Variants in AIG1 observed in about 807,000 individuals in gnomAD.
AIG1 encodes androgen induced 1, also known as androgen-induced gene 1 protein.
Under a neutral mutation model 31.4 loss-of-function variants are expected in AIG1, and 23 were observed. The ratio of observed to expected loss-of-function variants is 0.73; its 90% CI spans 0.53 to 1.04. AIG1 has a LOEUF of 1.04. Among genes scored for constraint, AIG1 ranks in the 50% least tolerant of loss-of-function variants. AIG1 has a pLI of 0.00. For synonymous variants in AIG1, 100 were observed against 110.5 expected (o/e 0.90, Z 0.60); for missense variants, 274 against 295.0 (o/e 0.93, Z 0.52).
chr6:143,067,044 G>A (rs1382923762), intron 1 of AIG1, among the ~76,000 whole-genome samples: 1 of 152,082 alleles, frequency 6.6e-6, no homozygotes, highest in Non-Finnish European at 1.5e-5. Flanking sequence ...GCATGTGCCT[G>A]TAGTCCCAGC....
chr6:143,215,666 T>C (rs773332175), intron 3 of AIG1, among the ~76,000 whole-genome samples: 109 of 152,096 alleles, frequency 7.2e-4, no homozygotes, highest in Non-Finnish European at 1.3e-3. Context: ...CTTTGGACCA[T>C]GAGATGACCT....
At chr6:143,277,964 C>T (rs1430289053) in intron 3 of AIG1, among the ~76,000 whole-genome samples, 7 of 152,186 alleles carry the variant, frequency 4.6e-5, no homozygotes, top group Non-Finnish European at 7.4e-5. Flanking sequence ...TCTGACTTGC[C>T]TGGATTTATA....
intron 3 of AIG1, among the ~76,000 whole-genome samples, chr6:143,176,664 T>G (rs1413090783): frequency 6.6e-6 from 1 of 152,222 alleles, no homozygotes; most frequent in Non-Finnish European, 1.5e-5. Context: ...TTAGCTCCCA[T>G]GCAGCCTGCT....
intron 1 of AIG1, among the ~76,000 whole-genome samples, chr6:143,125,058 ATTTCATTTAGGTTTC>A (rs1384373916): frequency 6.6e-6 from 1 of 152,058 alleles, no homozygotes; most frequent in Non-Finnish European, 1.5e-5. Flanking sequence ...TATACTTTAT[ATTTCATTTAGGTTTC>A]AGAGTTATCT....
chr6:143,164,933 CTG>C, intron 2 of AIG1, 147 bp from the exon 3 acceptor site: 1 of 598,978 alleles, frequency 1.7e-6, no homozygotes, highest in East Asian at 2.9e-5. Context: ...GAAGCTAGAC[CTG>C]TGTTTCCAAT....
chr6:143,308,685 C>T (rs1457512582), intron 4 of AIG1, among the ~76,000 whole-genome samples: 1 of 152,146 alleles, frequency 6.6e-6, no homozygotes, highest in Non-Finnish European at 1.5e-5. Flanking sequence ...TCAGTCCTAC[C>T]AAAACATCAT....
intron 3 of AIG1, among the ~76,000 whole-genome samples, chr6:143,230,384 T>C (rs1286965622): frequency 6.7e-6 from 1 of 150,362 alleles, no homozygotes; most frequent in East Asian, 1.9e-4. Context: ...AGCTTACATA[T>C]TATCATATTA....
intron 2 of AIG1, among the ~76,000 whole-genome samples, chr6:143,143,212 T>C (rs908703713): frequency 6.6e-6 from 1 of 151,724 alleles, no homozygotes; most frequent in Non-Finnish European, 1.5e-5. Flanking sequence ...TTAAAAAAAA[T>C]AAATTGTTTA....
intron 3 of AIG1, among the ~76,000 whole-genome samples, chr6:143,271,143 T>C (rs73594176): frequency 0.012 from 1,853 of 152,322 alleles, 24 homozygotes; most frequent in African/African-American, 0.042. Context: ...CAGATGTCAG[T>C]GCAGAGATGG....
intron 1 of AIG1, among the ~76,000 whole-genome samples, chr6:143,104,464 T>G (rs1780614320): frequency 6.6e-6 from 1 of 152,348 alleles, no homozygotes; most frequent in African/African-American, 2.4e-5. Flanking sequence ...ATAGTGGTTG[T>G]TTGTCCCAAG....
At chr6:143,170,490 T>A (rs1787394436) in intron 3 of AIG1, among the ~76,000 whole-genome samples, 1 of 152,030 alleles carries the variant, frequency 6.6e-6, no homozygotes, top group Admixed American at 6.6e-5. Context: ...TCAGTTGTAA[T>A]GTCTCCTTTT....
intron 1 of AIG1, among the ~76,000 whole-genome samples, chr6:143,107,380 A>G (rs1780896261): frequency 6.6e-6 from 1 of 152,242 alleles, no homozygotes; most frequent in African/African-American, 2.4e-5. Flanking sequence ...TTAGACAGAT[A>G]AAAGTCTCCA....
At chr6:143,282,857 C>T (rs1251544547) in intron 3 of AIG1, among the ~76,000 whole-genome samples, 1 of 152,220 alleles carries the variant, frequency 6.6e-6, no homozygotes, top group East Asian at 1.9e-4. Flanking sequence ...CTACTTGCCA[C>T]CTGGTTCTAT....
At chr6:143,188,534 A>G (rs552585812) in intron 3 of AIG1, 147 of 985,380 alleles carry the variant, frequency 1.5e-4, no homozygotes, top group African/African-American at 8.4e-4. Flanking sequence ...CAAGGCTGAG[A>G]CAGTCCAAGT....
intron 2 of AIG1, among the ~76,000 whole-genome samples, chr6:143,161,849 AGT>A (rs1020395196): frequency 6.6e-6 from 1 of 152,154 alleles, no homozygotes; most frequent in Non-Finnish European, 1.5e-5. Flanking sequence ...ATCAGACTTA[AGT>A]GTGGAAAGAC....
chr6:143,202,995 T>TGCA (rs1193613522), intron 3 of AIG1, among the ~76,000 whole-genome samples: 2 of 152,094 alleles, frequency 1.3e-5, no homozygotes, highest in African/African-American at 4.8e-5. Context: ...AAACAATGTC[T>TGCA]GCAGCAAAAG....
At chr6:143,246,713 T>C (rs1035525930) in intron 3 of AIG1, among the ~76,000 whole-genome samples, 3 of 152,234 alleles carry the variant, frequency 2.0e-5, no homozygotes, top group Admixed American at 6.5e-5. Context: ...TTCTGTGTGT[T>C]TTACATATAA....
At chr6:143,181,184 T>G (rs759880649) in intron 3 of AIG1, among the ~76,000 whole-genome samples, 2 of 152,228 alleles carry the variant, frequency 1.3e-5, no homozygotes, top group Non-Finnish European at 2.9e-5. Flanking sequence ...ACTGGCCTTT[T>G]CCAATTTTCC....
rs781565222 is a variant in AIG1 at position 143,293,713 on chromosome 6, C to T, written c.515+9488C>T. On this transcript the variant is annotated intron_variant, in intron 4 of 5. Transcript: ENST00000357847. The surrounding 1 kb of genome is among the most constrained non-coding windows in gnomAD (Gnocchi z 4.8). ...TGGGAGTACATGAAGAACTAGAATT[C>T]CCCATGTGCTATTAACCTTGCCCCA... 6.6e-6 allele frequency among the ~76,000 whole-genome samples: 1 copy of T among 152,166 alleles called. No homozygotes were observed. The highest frequency in any genetic ancestry group is 6.5e-5 in the Admixed American group (1 of 15,284).
Sources: allele counts gnomAD v4.1 joint callset (sites outside exome capture counted in the v4.1 genomes callset), GRCh38; gene constraint gnomAD v4.1.1; non-coding constraint Gnocchi (gnomAD v3.1); transcripts MANE v1.5; gene names NCBI Gene and HGNC (gene_info 2026-07-23, HGNC 2026-07-21).